GRIN2A: variants seen among roughly 807,000 people sequenced by gnomAD.
The protein encoded by GRIN2A is glutamate ionotropic receptor NMDA type subunit 2A, also known as glutamate receptor ionotropic, NMDA 2A.
Under a neutral mutation model 113.4 loss-of-function variants are expected in GRIN2A, and 22 were observed. The observed-to-expected ratio is 0.19, with a 90% confidence interval of 0.14 to 0.28. GRIN2A has a LOEUF of 0.28. Among genes scored for constraint, GRIN2A ranks in the 10% least tolerant of loss-of-function variants. The pLI is 1.00. For synonymous variants in GRIN2A, 827 were observed against 738.4 expected (o/e 1.12, Z -1.94); for missense variants, 1,502 against 1,887.0 (o/e 0.80, Z 3.78).
intron 3 of GRIN2A, among the ~76,000 whole-genome samples, chr16:9,901,561 G>T (rs536521334): frequency 6.6e-6 from 1 of 152,286 alleles, no homozygotes; most frequent in Admixed American, 6.5e-5. Flanking sequence ...CCGGGTTCAA[G>T]TGATTCTCGT....
At chr16:9,912,970 T>G (rs1303386109) in intron 3 of GRIN2A, among the ~76,000 whole-genome samples, 2 of 152,240 alleles carry the variant, frequency 1.3e-5, no homozygotes, top group Admixed American at 6.5e-5. Context: ...CCAACAGAAC[T>G]GCTCCCTCTG....
intron 11 of GRIN2A, among the ~76,000 whole-genome samples, chr16:9,796,115 G>A (rs1047224076): frequency 1.3e-5 from 2 of 152,170 alleles, no homozygotes; most frequent in Non-Finnish European, 2.9e-5. Context: ...ACATACCCAA[G>A]TCCCTAAATA....
At chr16:9,957,287 G>T (rs147865325) in intron 2 of GRIN2A, among the ~76,000 whole-genome samples, 6 of 152,210 alleles carry the variant, frequency 3.9e-5, no homozygotes, top group African/African-American at 1.4e-4. Context: ...TAAGGGAGCT[G>T]CCCATGTTCA....
intron 2 of GRIN2A, among the ~76,000 whole-genome samples, chr16:9,993,815 G>T (rs1300161200): frequency 6.6e-6 from 1 of 152,164 alleles, no homozygotes; most frequent in Admixed American, 6.5e-5. Context: ...CAAGTCAACA[G>T]AGGCAAGAGA....
At chr16:10,105,848 A>C (rs1362443261) in intron 2 of GRIN2A, among the ~76,000 whole-genome samples, 1 of 152,222 alleles carries the variant, frequency 6.6e-6, no homozygotes, top group Non-Finnish European at 1.5e-5. Flanking sequence ...TGGGGGTTGC[A>C]GACAGCTAAG....
At chr16:9,948,658 C>A (rs1357094230) in intron 2 of GRIN2A, among the ~76,000 whole-genome samples, 1 of 152,202 alleles carries the variant, frequency 6.6e-6, no homozygotes, top group African/African-American at 2.4e-5. Flanking sequence ...TCTTATCCAG[C>A]AAAACACTTT....
At chr16:10,043,916 C>T (rs901992197) in intron 2 of GRIN2A, among the ~76,000 whole-genome samples, 5 of 150,036 alleles carry the variant, frequency 3.3e-5, no homozygotes, top group Non-Finnish European at 7.4e-5. Flanking sequence ...TATATATACA[C>T]GTATAAATAT....
chr16:9,798,526 C>T, intron 10 of GRIN2A, 62 bp from the exon 11 acceptor site: 1 of 1,259,632 alleles, frequency 7.9e-7, no homozygotes, highest in Non-Finnish European at 1.2e-6. Context: ...GGGTCCAGCT[C>T]CTGAGGCCTG....
Position 10,048,864 on chromosome 16 carries a change from G to T in GRIN2A, c.415-110313C>A, listed in dbSNP as rs113607560. Among the ~76,000 whole-genome samples the T allele has an allele frequency of 1.8e-3, 279 of 152,196 alleles. 1 individual carries two copies. The highest frequency in any genetic ancestry group is 6.6e-3 in the African/African-American group (273 of 41,532). ...TTCTGTTCCTAATGCTATTCTACAT[G>T]GCAGCTGGGATCAGTGCAAGCTCCA... On this transcript the variant is annotated intron_variant, in intron 2 of 12. Coordinates refer to ENST00000330684, the MANE Select transcript of GRIN2A (RefSeq NM_001134407.3).
At chr16:9,951,527 G>A (rs1021452933) in intron 2 of GRIN2A, among the ~76,000 whole-genome samples, 3 of 152,120 alleles carry the variant, frequency 2.0e-5, no homozygotes, top group African/African-American at 7.2e-5. Flanking sequence ...TACTAAGCTG[G>A]GCAGCCTGTC....
chr16:10,034,461 G>T (rs58905724), intron 2 of GRIN2A, among the ~76,000 whole-genome samples: 2,284 of 147,724 alleles, frequency 0.015, 65 homozygotes, highest in African/African-American at 0.054. Flanking sequence ...GGAGGCGGAG[G>T]TTGCAGTGAG....
chr16:10,155,360 A>AATCAACATCTG (rs2049667428), intron 2 of GRIN2A, among the ~76,000 whole-genome samples: 2 of 152,326 alleles, frequency 1.3e-5, no homozygotes, highest in African/African-American at 4.8e-5. Flanking sequence ...CAGCACCAGT[A>AATCAACATCTG]ATCAACATCT....
chr16:10,018,427 C>A (rs983082630), intron 2 of GRIN2A, among the ~76,000 whole-genome samples: 2 of 152,134 alleles, frequency 1.3e-5, no homozygotes, highest in Non-Finnish European at 2.9e-5. Flanking sequence ...GTGACAGAAG[C>A]CCCTGGAGAA....
intron 11 of GRIN2A, among the ~76,000 whole-genome samples, chr16:9,792,559 A>T (rs1902677217): frequency 6.6e-6 from 1 of 152,180 alleles, no homozygotes; most frequent in Non-Finnish European, 1.5e-5. Flanking sequence ...TGTGTACCAT[A>T]TCTTTCAAAT....
intron 2 of GRIN2A, among the ~76,000 whole-genome samples, chr16:10,042,078 T>A (rs565751824): frequency 8.9e-4 from 136 of 152,240 alleles, no homozygotes; most frequent in African/African-American, 3.2e-3. Flanking sequence ...GTGGTAGACC[T>A]TGTAGGTGGC....
chr16:9,837,908 C>T (rs1253934433), intron 7 of GRIN2A, among the ~76,000 whole-genome samples: 1 of 152,222 alleles, frequency 6.6e-6, no homozygotes, highest in African/African-American at 2.4e-5. Flanking sequence ...GCAACGAGTG[C>T]AAAATCAAAT....
chr16:10,025,666 A>G (rs2046806553), intron 2 of GRIN2A, among the ~76,000 whole-genome samples: 1 of 152,132 alleles, frequency 6.6e-6, no homozygotes, highest in African/African-American at 2.4e-5. Flanking sequence ...GACTCCAGGG[A>G]AAATATAACT....
intron 2 of GRIN2A, among the ~76,000 whole-genome samples, chr16:10,060,724 A>C (rs780025452): frequency 1.3e-5 from 2 of 152,208 alleles, no homozygotes; most frequent in Non-Finnish European, 2.9e-5. Context: ...AGAAAAGTTA[A>C]ATATCTTGCC....
chr16:9,970,223 T>A (rs2045643979), intron 2 of GRIN2A, among the ~76,000 whole-genome samples: 1 of 152,228 alleles, frequency 6.6e-6, no homozygotes, highest in Non-Finnish European at 1.5e-5. Context: ...TTTCTCTTTA[T>A]TAGCACTATT....
Sources: gnomAD v4.1 joint callset for allele counts (sites outside exome capture counted in the v4.1 genomes callset) on GRCh38, gnomAD v4.1.1 for gene constraint, MANE v1.5 for transcripts, NCBI Gene and HGNC (gene_info 2026-07-23, HGNC 2026-07-21) for gene names.